The following KIF6 variants were observed in gnomAD, a reference collection of about 807,000 sequenced individuals.
KIF6 encodes the protein kinesin family member 6.
Under a neutral mutation model 112.7 loss-of-function variants are expected in KIF6, and 106 were observed. The ratio of observed to expected loss-of-function variants is 0.94; its 90% CI spans 0.80 to 1.11. The LOEUF (loss-of-function observed/expected upper bound fraction) is 1.11, where lower values mean the gene tolerates loss of function less well. Among genes scored for constraint, KIF6 ranks in the 50% least tolerant of loss-of-function variants. The pLI, the probability that KIF6 is intolerant of heterozygous loss-of-function variation, is 0.00. For synonymous variants in KIF6, 339 were observed against 339.9 expected, an observed-to-expected ratio of 1.00 and a Z score of 0.03; for missense variants, 929 against 964.0, an observed-to-expected ratio of 0.96 and a Z score of 0.48.
chr6:39,603,145 C>G (rs920438039), intron 6 of KIF6, among the ~76,000 whole-genome samples: 1 of 152,104 alleles, frequency 6.6e-6, no homozygotes. Context: ...GAGTGTTTGG[C>G]GTCCTGCTCA....
At chr6:39,406,217 C>T (rs1769081686) in intron 15 of KIF6, among the ~76,000 whole-genome samples, 1 of 152,130 alleles carries the variant, frequency 6.6e-6, no homozygotes, top group South Asian at 2.1e-4. Context: ...GATGGGGTTT[C>T]ACCATGTTGT....
intron 13 of KIF6, among the ~76,000 whole-genome samples, chr6:39,442,034 C>T (rs1453168366): frequency 6.6e-6 from 1 of 152,190 alleles, no homozygotes; most frequent in Non-Finnish European, 1.5e-5. Context: ...GGTGGCACCA[C>T]ATCTAAATAA....
intron 3 of KIF6, among the ~76,000 whole-genome samples, chr6:39,703,381 C>T (rs1788996486): frequency 1.3e-5 from 2 of 152,110 alleles, no homozygotes; most frequent in South Asian, 2.1e-4. Context: ...GGTAACCCCG[C>T]AGAAACCAAT....
At chr6:39,336,801 TTTTC>T (rs56693059) in intron 22 of KIF6, among the ~76,000 whole-genome samples, 3 of 150,708 alleles carry the variant, frequency 2.0e-5, no homozygotes, top group Non-Finnish European at 4.4e-5. Flanking sequence ...TTTTCTTTCC[TTTTC>T]TTTCTTTCTT....
intron 13 of KIF6, among the ~76,000 whole-genome samples, chr6:39,467,153 A>C (rs1038304984): frequency 6.6e-6 from 1 of 152,202 alleles, no homozygotes; most frequent in East Asian, 1.9e-4. Context: ...AAAACAATGG[A>C]GATTCTGGTG....
chr6:39,553,776 T>C (rs1204716745), intron 10 of KIF6: 1 of 152,118 alleles, frequency 6.6e-6, no homozygotes, highest in Non-Finnish European at 1.5e-5. Flanking sequence ...CTAGAACAAA[T>C]GTAAATAAGA....
chr6:39,453,612 A>G (rs1375968316), intron 13 of KIF6, among the ~76,000 whole-genome samples: 1 of 152,142 alleles, frequency 6.6e-6, no homozygotes, highest in Non-Finnish European at 1.5e-5. Flanking sequence ...TGTTCCCCAA[A>G]CCCTAAAATA....
At chr6:39,412,318 GA>G (rs1769539901) in intron 15 of KIF6, among the ~76,000 whole-genome samples, 1 of 152,148 alleles carries the variant, frequency 6.6e-6, no homozygotes, top group East Asian at 1.9e-4. Flanking sequence ...AGTGATACCT[GA>G]ACTGTTACAG....
At chr6:39,662,829 T>C (rs1786241394) in intron 3 of KIF6, among the ~76,000 whole-genome samples, 1 of 152,144 alleles carries the variant, frequency 6.6e-6, no homozygotes, top group South Asian at 2.1e-4. Context: ...CACACACACA[T>C]AGTCAAAAAT....
At chr6:39,540,382 A>C (rs1434846552) in intron 12 of KIF6, among the ~76,000 whole-genome samples, 161 bp from the exon 13 acceptor site, 1 of 152,194 alleles carries the variant, frequency 6.6e-6, no homozygotes. Context: ...AGCAATGGAC[A>C]ATTTAGGAGG....
chr6:39,390,337 G>A (rs2150322229), intron 15 of KIF6, among the ~76,000 whole-genome samples: 1 of 152,300 alleles, frequency 6.6e-6, no homozygotes, highest in Middle Eastern at 3.4e-3. Flanking sequence ...AGGTCAAGCG[G>A]CTAAATGTCA....
intron 16 of KIF6, among the ~76,000 whole-genome samples, chr6:39,363,211 C>A (rs1204077682): frequency 6.6e-6 from 1 of 152,108 alleles, no homozygotes; most frequent in Non-Finnish European, 1.5e-5. Flanking sequence ...AAAAAGGAAA[C>A]CTCTCTAAAC....
chr6:39,546,721 G>A (rs1006552627), intron 10 of KIF6, among the ~76,000 whole-genome samples: 3 of 152,082 alleles, frequency 2.0e-5, no homozygotes, highest in Middle Eastern at 3.4e-3. Flanking sequence ...ATCTACTTAG[G>A]AGGCTGAGGC....
At chr6:39,394,594 G>A (rs1468606293) in intron 15 of KIF6, among the ~76,000 whole-genome samples, 2 of 152,180 alleles carry the variant, frequency 1.3e-5, no homozygotes, top group Non-Finnish European at 2.9e-5. Flanking sequence ...GGGCACCTCT[G>A]AGAAGCCTTC....
chr6:39,417,912 C>T (rs547789781), intron 15 of KIF6, among the ~76,000 whole-genome samples: 7 of 152,274 alleles, frequency 4.6e-5, no homozygotes, highest in Non-Finnish European at 1.0e-4. Context: ...TCTCTTATCC[C>T]TCCAAGGATG....
intron 5 of KIF6, among the ~76,000 whole-genome samples, chr6:39,630,116 G>A (rs1035889868): frequency 5.9e-5 from 9 of 152,014 alleles, no homozygotes; most frequent in African/African-American, 1.9e-4. Flanking sequence ...GTTGGGTGAT[G>A]TCAGTCTTTT....
At chr6:39,558,379 C>T (rs1372632376) in intron 10 of KIF6, among the ~76,000 whole-genome samples, 2 of 152,160 alleles carry the variant, frequency 1.3e-5, no homozygotes, top group Admixed American at 6.5e-5. Flanking sequence ...CATAAGTGCA[C>T]ATTTTCACAC....
At chr6:39,493,223 T>C (rs76992531) in intron 13 of KIF6, among the ~76,000 whole-genome samples, 6,366 of 152,276 alleles carry the variant, frequency 0.042, 257 homozygotes, top group East Asian at 0.25. Flanking sequence ...ATGTATATTA[T>C]GGAATTTTAG....
chr6:39,711,067 TA>T (rs1789520791), intron 3 of KIF6, among the ~76,000 whole-genome samples: 1 of 148,082 alleles, frequency 6.8e-6, no homozygotes, highest in African/African-American at 2.5e-5. Context: ...AATAAATAAA[TA>T]AAAATGAGAT....
Sources: allele counts gnomAD v4.1 joint callset (sites outside exome capture counted in the v4.1 genomes callset), GRCh38; gene constraint gnomAD v4.1.1; transcripts MANE v1.5; gene names NCBI Gene and HGNC (gene_info 2026-07-23, HGNC 2026-07-21).